The following RACGAP1 variants were observed in gnomAD, a reference collection of about 807,000 sequenced individuals.
RACGAP1 encodes Rac GTPase activating protein 1.
RACGAP1 carries 30 observed loss-of-function variants against 78.1 expected under a neutral mutation model. The observed-to-expected ratio is 0.38, with a 90% confidence interval of 0.29 to 0.52. The LOEUF is 0.52. RACGAP1 is among the 20% of genes least tolerant of loss of function. The pLI, the probability that RACGAP1 is intolerant of heterozygous loss-of-function variation, is 0.82. For missense variants in RACGAP1, 587 were observed against 777.1 expected, an observed-to-expected ratio of 0.76 and a Z score of 2.91; for synonymous variants, 231 against 264.8, an observed-to-expected ratio of 0.87 and a Z score of 1.24.
At chr12:50,001,677 A>T (rs1948684557) in intron 6 of RACGAP1, among the ~76,000 whole-genome samples, 1 of 152,168 alleles carries the variant, frequency 6.6e-6, no homozygotes, top group African/African-American at 2.4e-5. Context: ...ATTCAAAACA[A>T]ACTTAAGTTT....
intron 2 of RACGAP1, among the ~76,000 whole-genome samples, chr12:50,015,135 C>A (rs1489928819): frequency 2.0e-5 from 3 of 151,968 alleles, no homozygotes; most frequent in African/African-American, 7.3e-5. Context: ...CCATCTCAGC[C>A]CTGCAAAGTG....
intron 1 of RACGAP1, chr12:50,021,000 A>G (rs1949976790): frequency 4.8e-6 from 2 of 416,388 alleles, no homozygotes; most frequent in Non-Finnish European, 3.2e-6. Flanking sequence ...ATATCTTTCT[A>G]TATCAGTACT....
intron 14 of RACGAP1, 23 bp downstream of exon 14, chr12:49,992,220 TAC>T (rs368730368): frequency 1.9e-6 from 3 of 1,611,238 alleles, no homozygotes; most frequent in South Asian, 1.1e-5. Context: ...CAAGTTCACA[TAC>T]ACACACACAC....
chr12:50,004,652 A>T (rs1203712144), intron 4 of RACGAP1, among the ~76,000 whole-genome samples: 4 of 152,222 alleles, frequency 2.6e-5, no homozygotes, highest in Non-Finnish European at 2.9e-5. Flanking sequence ...ATTTGATCCC[A>T]ACTGTGCTGG....
chr12:50,026,286 G>C (rs957359967), upstream of RACGAP1, among the ~76,000 whole-genome samples: 1 of 151,890 alleles, frequency 6.6e-6, no homozygotes, highest in Non-Finnish European at 1.5e-5. Flanking sequence ...ATACTGGCTG[G>C]AGCATACAAG....
At chr12:50,013,831 G>A (rs145127965) in intron 2 of RACGAP1, among the ~76,000 whole-genome samples, 1 of 152,128 alleles carries the variant, frequency 6.6e-6, no homozygotes, top group Admixed American at 6.6e-5. Flanking sequence ...ACTCAAAAAT[G>A]CTAGAAGCCC....
At chr12:50,024,377 C>A (rs942646269) in intron 1 of RACGAP1, among the ~76,000 whole-genome samples, 9 of 152,132 alleles carry the variant, frequency 5.9e-5, no homozygotes, top group African/African-American at 1.4e-4. Context: ...ATGGATAGAA[C>A]TGGAGGCCAT....
chr12:49,999,884 C>T (rs1592153096), intron 7 of RACGAP1, 151 bp from the exon 8 acceptor site: 1 of 626,470 alleles, frequency 1.6e-6, no homozygotes, highest in East Asian at 2.9e-5. Flanking sequence ...GAGTTTTTCA[C>T]TCTACCGCCC....
chr12:50,019,146 C>T (rs1325389803), intron 1 of RACGAP1, among the ~76,000 whole-genome samples: 2 of 152,132 alleles, frequency 1.3e-5, no homozygotes, highest in African/African-American at 4.8e-5. Context: ...AATCACTAAA[C>T]CTTGTGTACT....
At chr12:50,029,149 G>A (rs1196114850), upstream of RACGAP1, among the ~76,000 whole-genome samples, 2 of 150,954 alleles carry the variant, frequency 1.3e-5, no homozygotes, top group Non-Finnish European at 2.9e-5. Flanking sequence ...CTGGGAGGCA[G>A]AGGTTGCAGT....
At position 50,016,850 on chromosome 12, in the gene RACGAP1, G is replaced by A. The variant is rs1949711715; in HGVS notation, c.-4-131C>T. The A allele has an allele frequency of 2.9e-6, 4 of 1,378,622 alleles. No individual in the cohort carries two copies. The Admixed American group carries it at 1.1e-4, about 39-fold the overall frequency. 85.4% of individuals were successfully genotyped at this position (1,378,622 alleles called of 1,614,324 possible). A position where few individuals can be genotyped will look rare whatever the true frequency, so the allele number is the denominator to read the frequency against. ...ATAACTACCATTATAAGAATCTCAA[G>A]CTAACAACAGATGTTTTGTGTGATT... On this transcript the variant is annotated intron_variant, in intron 1 of 16. Transcript: ENST00000312377.
chr12:50,010,644 C>A (rs1294633320), intron 2 of RACGAP1, among the ~76,000 whole-genome samples: 2 of 149,944 alleles, frequency 1.3e-5, no homozygotes, highest in African/African-American at 2.4e-5. Context: ...TTTTAAAAAA[C>A]AATACAGGCC....
chr12:49,996,662 A>AAAAAAAAAAAAAAAAAAAAAAAAAG, intron 10 of RACGAP1, among the ~76,000 whole-genome samples: 1 of 141,028 alleles, frequency 7.1e-6, no homozygotes, highest in Non-Finnish European at 1.5e-5. Flanking sequence ...AAAAAAAAAA[A>AAAAAAAAAAAAAAAAAAAAAAAAAG]AAAAAATGGA....
chr12:50,020,407 C>A (rs1354221221), intron 1 of RACGAP1, among the ~76,000 whole-genome samples: 1 of 151,704 alleles, frequency 6.6e-6, no homozygotes, highest in Admixed American at 6.6e-5. Context: ...TGGTCTCGAA[C>A]TCCTGACCTC....
At position 50,025,436 on chromosome 12, in the gene RACGAP1, C is replaced by G. The variant is rs748480188; in HGVS notation, c.-43G>C. The G allele has an allele frequency of 1.0e-6, 1 of 985,700 alleles. No homozygotes were observed. The highest frequency in any genetic ancestry group is 1.1e-4 in the East Asian group (1 of 8,822). 61.1% of individuals were successfully genotyped at this position (985,700 alleles called of 1,614,324 possible). ...GCCCCACCTGGGCCACCCTTCACTTCGCTCCGCGCCTCACCCAACGGCAGA... is the reference window on the plus strand; with the variant it reads ...GCCCCACCTGGGCCACCCTTCACTTGGCTCCGCGCCTCACCCAACGGCAGA... On this transcript the variant is annotated 5_prime_UTR_variant, in exon 1 of 17. Coordinates refer to ENST00000312377, the MANE Select transcript of RACGAP1 (RefSeq NM_001319999.2).
rs373036478 is a variant in RACGAP1 at position 50,016,862 on chromosome 12, T to A, written c.-4-143A>T. The stretch of plus-strand genomic sequence containing the variant: ...ATAAGAATCTCAAGCTAACAACAGA[T>A]GTTTTGTGTGATTCTTATTATAAAA... On this transcript the variant is annotated intron_variant, in intron 1 of 16. Transcript: ENST00000312377. 5 of 1,373,982 alleles carry A rather than the reference T, an allele frequency of 3.6e-6. No homozygotes were observed. The African/African-American group carries it at 5.8e-5, about 16-fold the overall frequency. The allele number at this position is 1,373,982 out of a possible 1,614,324, so 85.1% of individuals were successfully genotyped here. A position where few individuals can be genotyped will look rare whatever the true frequency, so the allele number is the denominator to read the frequency against.
chr12:50,009,186 T>A (rs370224825), intron 2 of RACGAP1, among the ~76,000 whole-genome samples: 10 of 141,012 alleles, frequency 7.1e-5, no homozygotes, highest in African/African-American at 1.4e-4. Flanking sequence ...GAAGTCGCAG[T>A]GAGCTGAGAT....
intron 10 of RACGAP1, 131 bp from the exon 11 acceptor site, chr12:49,994,640 C>T: frequency 2.9e-6 from 4 of 1,375,416 alleles, no homozygotes; most frequent in Non-Finnish European, 3.8e-6. Context: ...ATTCCTATTC[C>T]CAAAGCATAT....
intron 2 of RACGAP1, among the ~76,000 whole-genome samples, chr12:50,008,756 G>A (rs1176987000): frequency 2.0e-5 from 3 of 152,070 alleles, no homozygotes; most frequent in Non-Finnish European, 4.4e-5. Context: ...GCCTCCCAAA[G>A]TGCTAGGATT....
Sources: allele counts gnomAD v4.1 joint callset (sites outside exome capture counted in the v4.1 genomes callset), GRCh38; gene constraint gnomAD v4.1.1; transcripts MANE v1.5; gene names NCBI Gene and HGNC (gene_info 2026-07-23, HGNC 2026-07-21).